The following ARHGEF7 variants were observed in gnomAD, a reference collection of about 807,000 sequenced individuals.
The protein encoded by ARHGEF7 is PAK-interacting exchange factor beta.
ARHGEF7 carries 33 observed loss-of-function variants against 109.8 expected under a neutral mutation model. The ratio of observed to expected loss-of-function variants is 0.30; its 90% CI spans 0.23 to 0.40. The LOEUF is 0.40. ARHGEF7 is among the 10% of genes least tolerant of loss of function. The pLI is 1.00. For synonymous variants in ARHGEF7, 458 were observed against 424.6 expected (o/e 1.08, Z -0.97); for missense variants, 938 against 1,098.5 (o/e 0.85, Z 2.07).
intron 2 of ARHGEF7, among the ~76,000 whole-genome samples, chr13:111,203,708 G>T (rs970632933): frequency 1.3e-5 from 2 of 152,112 alleles, no homozygotes; most frequent in Non-Finnish European, 2.9e-5. Flanking sequence ...TCAAAGTCTG[G>T]TTCTTCTTTA....
At chr13:111,151,923 G>A (rs2075906998) in intron 1 of ARHGEF7, among the ~76,000 whole-genome samples, 1 of 152,134 alleles carries the variant, frequency 6.6e-6, no homozygotes, top group African/African-American at 2.4e-5. Flanking sequence ...GCACAGCTGG[G>A]AACGTGTACA....
At chr13:111,250,742 C>T (rs1480114660) in intron 8 of ARHGEF7, among the ~76,000 whole-genome samples, 2 of 152,174 alleles carry the variant, frequency 1.3e-5, no homozygotes, top group African/African-American at 4.8e-5. Flanking sequence ...TCCCATGACT[C>T]CCTTCAGGTT....
intron 2 of ARHGEF7, among the ~76,000 whole-genome samples, chr13:111,185,935 C>T (rs532158734): frequency 6.7e-6 from 1 of 149,728 alleles, no homozygotes; most frequent in Non-Finnish European, 1.5e-5. Context: ...CCTTTGTAAG[C>T]TTTGTCACAC....
rs772005353 is a variant in ARHGEF7, at chr13:111,280,261, G to T, written c.1507-11G>T. ...ATTGTTTTTTTTTTTGTGGGGGGGGGTCTTTTTTAGGGAAAGCTTCCAACG... is the reference window on the plus strand; with the variant it reads ...ATTGTTTTTTTTTTTGTGGGGGGGGTTCTTTTTTAGGGAAAGCTTCCAACG... On this transcript the variant is annotated splice_polypyrimidine_tract_variant and intron_variant, in intron 13 of 21. Transcript: ENST00000646102. 9 of 1,598,954 alleles carry T rather than the reference G, an allele frequency of 5.6e-6. No individual in the cohort carries two copies. Among genetic ancestry groups the T allele is most frequent in the East Asian group, 2.2e-5 (1 of 44,780 alleles).
chr13:111,250,916 G>A (rs538904197), intron 8 of ARHGEF7, among the ~76,000 whole-genome samples: 120 of 152,338 alleles, frequency 7.9e-4, no homozygotes, highest in Admixed American at 2.4e-3. Context: ...CAGCACCTCC[G>A]TGCTTTCAGC....
chr13:111,225,011 T>C (rs1191138741), intron 5 of ARHGEF7, among the ~76,000 whole-genome samples: 1 of 152,192 alleles, frequency 6.6e-6, no homozygotes, highest in Non-Finnish European at 1.5e-5. Context: ...GAGCGTATTA[T>C]AGCATTATGT....
intron 5 of ARHGEF7, 78 bp from the exon 6 acceptor site, chr13:111,233,127 C>A: frequency 8.3e-7 from 1 of 1,203,776 alleles, no homozygotes; most frequent in Non-Finnish European, 1.2e-6. Context: ...GGATGAGTAT[C>A]CTTGGCCTGT....
intron 5 of ARHGEF7, among the ~76,000 whole-genome samples, chr13:111,221,625 T>C (rs2084399270): frequency 9.6e-6 from 1 of 104,348 alleles, no homozygotes; most frequent in Non-Finnish European, 1.9e-5. Context: ...TATATGTATA[T>C]ATATATGTAT....
chr13:111,292,933 G>A, intron 19 of ARHGEF7: 2 of 986,262 alleles, frequency 2.0e-6, no homozygotes, highest in Non-Finnish European at 2.4e-6. Flanking sequence ...TTCAGAGCTT[G>A]TCTCCACCTC....
chr13:111,199,665 G>T (rs566090764), intron 2 of ARHGEF7, among the ~76,000 whole-genome samples: 7 of 152,348 alleles, frequency 4.6e-5, no homozygotes, highest in African/African-American at 1.4e-4. Context: ...ATAAAATGAG[G>T]AATATGCTAA....
chr13:111,274,742 A>G lies in ARHGEF7; in HGVS notation c.1224A>G (p.Thr408=), dbSNP rs1228840418. Residue 408 remains threonine (T), a synonymous_variant, in exon 11 of 22, where the codon ACA becomes ACG. Coordinates refer to ENST00000646102, the MANE Select transcript of ARHGEF7 (RefSeq NM_001354046.2). ...ELERHMEDYH[T]DRQDIQKSMA... The stretch of plus-strand genomic sequence containing the variant: ...TCTTTTACTCAAAGGATTATCATAC[A>G]GATAGACAAGATATTCAAAAATCCA... 5 of 1,492,570 alleles carry G rather than the reference A, an allele frequency of 3.3e-6. No homozygotes were observed. The highest frequency in any genetic ancestry group is 4.5e-6 in the Non-Finnish European group (5 of 1,119,856). The allele number at this position is 1,492,570 out of a possible 1,614,324, so 92.5% of individuals were successfully genotyped here.
At chr13:111,232,354 A>G (rs191334342) in intron 5 of ARHGEF7, among the ~76,000 whole-genome samples, 106 of 152,206 alleles carry the variant, frequency 7.0e-4, no homozygotes, top group Admixed American at 2.0e-3. Context: ...CCATAGAACT[A>G]TGGAGAGACA....
chr13:111,178,469 C>T (rs917689993), intron 2 of ARHGEF7, among the ~76,000 whole-genome samples: 3 of 152,198 alleles, frequency 2.0e-5, no homozygotes, highest in Admixed American at 1.3e-4. Flanking sequence ...AGAGGTGATA[C>T]AGTATTCAGA....
At chr13:111,147,615 C>A (rs918815105) in intron 1 of ARHGEF7, among the ~76,000 whole-genome samples, 1 of 152,158 alleles carries the variant, frequency 6.6e-6, no homozygotes, top group Non-Finnish European at 1.5e-5. Flanking sequence ...CTTGAGAACA[C>A]CCTGGACTGC....
At chr13:111,296,010 C>CTGGACAGTTGCGCTGCGT (rs1410839130) in intron 19 of ARHGEF7, among the ~76,000 whole-genome samples, 1 of 152,204 alleles carries the variant, frequency 6.6e-6, no homozygotes. Context: ...GGTGCCTGGG[C>CTGGACAGTTGCGCTGCGT]TGGACAGTTG....
chr13:111,149,780 C>T (rs949529284), intron 1 of ARHGEF7, among the ~76,000 whole-genome samples: 1 of 152,172 alleles, frequency 6.6e-6, no homozygotes, highest in Non-Finnish European at 1.5e-5. Flanking sequence ...ATACAGTACT[C>T]ACATAACACG....
chr13:111,262,630 CTAGT>C (rs895045651), intron 8 of ARHGEF7, among the ~76,000 whole-genome samples: 4 of 152,166 alleles, frequency 2.6e-5, no homozygotes, highest in Non-Finnish European at 5.9e-5. Context: ...ATTCCTCTGT[CTAGT>C]TAGCAGTATC....
intron 2 of ARHGEF7, among the ~76,000 whole-genome samples, chr13:111,156,080 CA>C (rs56803261): frequency 2.0e-4 from 25 of 123,694 alleles, no homozygotes; most frequent in East Asian, 7.2e-4. Context: ...AAGACTCCCT[CA>C]AAAAAAAAAA....
chr13:111,274,339 G>A (rs1595427004), intron 10 of ARHGEF7, among the ~76,000 whole-genome samples: 1 of 152,202 alleles, frequency 6.6e-6, no homozygotes, highest in South Asian at 2.1e-4. Flanking sequence ...TTGCAGCCTA[G>A]CAGAAATTTG....
Sources: gnomAD v4.1 joint callset for allele counts (sites outside exome capture counted in the v4.1 genomes callset) on GRCh38, gnomAD v4.1.1 for gene constraint, MANE v1.5 for transcripts, NCBI Gene and HGNC (gene_info 2026-07-23, HGNC 2026-07-21) for gene names.